The following AK5 variants were observed in gnomAD, a reference collection of about 807,000 sequenced individuals.
AK5 encodes the protein adenylate kinase 5, also known as adenylate kinase isoenzyme 5.
A neutral mutation model predicts 69.5 loss-of-function variants in AK5; 27 were observed. That is an observed-to-expected ratio of 0.39 (90% confidence interval 0.29 to 0.54). AK5 has a LOEUF of 0.54. Ranked by LOEUF, AK5 falls within the 20% of genes least tolerant of loss-of-function variation. The pLI is 0.71. For synonymous variants in AK5, 260 were observed against 244.4 expected (o/e 1.06, Z -0.60); for missense variants, 531 against 700.4 (o/e 0.76, Z 2.73).
intron 8 of AK5, among the ~76,000 whole-genome samples, chr1:77,452,127 C>A (rs1419690909): frequency 6.6e-6 from 1 of 152,074 alleles, no homozygotes; most frequent in South Asian, 2.1e-4. Flanking sequence ...TTTTTTATAT[C>A]CCCGTAATCA....
chr1:77,494,591 C>G (rs987553244), intron 10 of AK5, among the ~76,000 whole-genome samples: 1 of 152,156 alleles, frequency 6.6e-6, no homozygotes, highest in African/African-American at 2.4e-5. Context: ...ACATTGTTAA[C>G]TGTTCTCTTA....
chr1:77,402,311 G>A (rs6673059), intron 6 of AK5, among the ~76,000 whole-genome samples: 112,941 of 151,644 alleles, frequency 0.74, 42,257 homozygotes, highest in East Asian at 0.84. Context: ...TATTATTATT[G>A]TACTTTAAGT....
intron 6 of AK5, among the ~76,000 whole-genome samples, chr1:77,351,519 G>C (rs1172222357): frequency 2.0e-5 from 3 of 152,172 alleles, no homozygotes; most frequent in African/African-American, 7.2e-5. Flanking sequence ...TGTCATCAAG[G>C]ACCCAGGCCC....
At chr1:77,360,582 G>T (rs1011977025) in intron 6 of AK5, among the ~76,000 whole-genome samples, 2 of 152,160 alleles carry the variant, frequency 1.3e-5, no homozygotes, top group African/African-American at 4.8e-5. Flanking sequence ...AAAAACTAAG[G>T]CAGCAGTTAG....
rs867960688 is a variant in AK5 at position 77,327,035 on chromosome 1, C to T, written c.700-13342C>T. ...GGGCAATCATTCCTATAGTCAATATCATGAATTTAAATGTTAAATGTTTGT... is the reference window on the plus strand; with the variant it reads ...GGGCAATCATTCCTATAGTCAATATTATGAATTTAAATGTTAAATGTTTGT... On this transcript the variant is annotated intron_variant, in intron 5 of 13. Transcript: ENST00000354567. 3.9e-5 allele frequency among the ~76,000 whole-genome samples: 6 copies of T among 152,224 alleles called. No homozygotes were observed. In the Middle Eastern group the frequency reaches 0.01, roughly 261 times the overall value.
intron 2 of AK5, 126 bp downstream of exon 2, chr1:77,287,253 G>A (rs918145015): frequency 2.1e-5 from 13 of 606,862 alleles, no homozygotes; most frequent in African/African-American, 1.9e-5. Flanking sequence ...ATTGGATCAC[G>A]ATTAATTTTT....
chr1:77,410,371 G>A (rs900754228), intron 6 of AK5, among the ~76,000 whole-genome samples: 4 of 151,862 alleles, frequency 2.6e-5, no homozygotes, highest in African/African-American at 7.3e-5. Context: ...TCTGCCTCCC[G>A]GGTTCAAGTG....
intron 6 of AK5, among the ~76,000 whole-genome samples, chr1:77,376,969 C>A (rs148798297): frequency 2.6e-5 from 4 of 152,270 alleles, no homozygotes; most frequent in Non-Finnish European, 4.4e-5. Context: ...CATTAAGTCA[C>A]ACCATTAAAT....
At position 77,556,029 on chromosome 1, in the gene AK5, G is replaced by A. The variant is rs998337722; in HGVS notation, c.1621-2573G>A. Among the ~76,000 whole-genome samples, 9 of 152,344 alleles carry A rather than the reference G, an allele frequency of 5.9e-5. No homozygotes were observed. The East Asian group carries it at 1.7e-3, about 29-fold the overall frequency. ...AGACAAATTGCAGATTGCTATCTTT[G>A]AGTCTCCTGTAAGGATGAAGTATAT... On this transcript the variant is annotated intron_variant, in intron 13 of 13. Transcript: ENST00000354567.
intron 12 of AK5, among the ~76,000 whole-genome samples, chr1:77,531,948 G>A (rs1658633125): frequency 1.3e-5 from 2 of 150,134 alleles, no homozygotes; most frequent in Middle Eastern, 3.4e-3. Context: ...GAGCACAGCA[G>A]CTGCTGGCCC....
chr1:77,423,805 C>G (rs987612641), intron 8 of AK5, among the ~76,000 whole-genome samples: 4 of 151,346 alleles, frequency 2.6e-5, no homozygotes, highest in African/African-American at 9.8e-5. Context: ...AAAAATTCCC[C>G]TCAGTCTTCT....
At chr1:77,496,717 C>A (rs1001969859) in intron 10 of AK5, among the ~76,000 whole-genome samples, 2 of 152,120 alleles carry the variant, frequency 1.3e-5, no homozygotes, top group Admixed American at 1.3e-4. Flanking sequence ...ACTTGGAGAA[C>A]TTTTGTGTCT....
At chr1:77,348,230 A>G (rs1174744528) in intron 6 of AK5, among the ~76,000 whole-genome samples, 1 of 152,238 alleles carries the variant, frequency 6.6e-6, no homozygotes, top group Non-Finnish European at 1.5e-5. Flanking sequence ...CATGATAACT[A>G]TAAAACAAAT....
intron 5 of AK5, among the ~76,000 whole-genome samples, chr1:77,325,842 T>C (rs1209559272): frequency 6.6e-6 from 1 of 151,966 alleles, no homozygotes; most frequent in Non-Finnish European, 1.5e-5. Context: ...TCAGTGCATT[T>C]CCAGGTGGTT....
chr1:77,485,045 G>A (rs144338375), intron 9 of AK5, among the ~76,000 whole-genome samples: 119 of 152,230 alleles, frequency 7.8e-4, no homozygotes, highest in African/African-American at 2.6e-3. Context: ...CCTCAGCTTC[G>A]TAAATGTAAA....
chr1:77,430,137 A>C (rs569214218), intron 8 of AK5, among the ~76,000 whole-genome samples: 3 of 152,290 alleles, frequency 2.0e-5, no homozygotes, highest in South Asian at 4.1e-4. Context: ...GTTCAAAAAA[A>C]AAAAACAAAA....
At chr1:77,456,148 C>A (rs555082236) in intron 8 of AK5, among the ~76,000 whole-genome samples, 21 of 152,272 alleles carry the variant, frequency 1.4e-4, no homozygotes, top group Middle Eastern at 3.4e-3. Context: ...ACAGTGGAAG[C>A]CCCTAAAACA....
At position 77,493,189 on chromosome 1, in the gene AK5, G is replaced by C. The variant is rs114706242; in HGVS notation, c.1147+6837G>C. 7.0e-3 allele frequency among the ~76,000 whole-genome samples: 1,070 copies of C among 152,210 alleles called. 18 individuals are homozygous for C. The highest frequency in any genetic ancestry group is 0.024 in the African/African-American group (994 of 41,530). On this transcript the variant is annotated intron_variant, in intron 10 of 13. Coordinates refer to ENST00000354567, the MANE Select transcript of AK5 (RefSeq NM_174858.3). ...TTGAATCAGTGGACTGAGTAAGGAAGATCCACCCTCACCAGTGTGGGTGGG... is the reference window on the plus strand; with the variant it reads ...TTGAATCAGTGGACTGAGTAAGGAACATCCACCCTCACCAGTGTGGGTGGG...
intron 12 of AK5, among the ~76,000 whole-genome samples, chr1:77,526,465 CTTTTT>C (rs917395853): frequency 2.1e-4 from 18 of 84,656 alleles, no homozygotes; most frequent in African/African-American, 8.0e-4. Context: ...GAATAAAAGT[CTTTTT>C]TTTTTTTTTT....
Sources: gnomAD v4.1 joint callset for allele counts (sites outside exome capture counted in the v4.1 genomes callset) on GRCh38, gnomAD v4.1.1 for gene constraint, MANE v1.5 for transcripts, NCBI Gene and HGNC (gene_info 2026-07-23, HGNC 2026-07-21) for gene names.